C16orf87: variants seen among roughly 807,000 people sequenced by gnomAD.
C16orf87 encodes HDAC and MIER1 interacting protein 1, also known as UPF0547 protein C16orf87.
Under a neutral mutation model 21.0 loss-of-function variants are expected in C16orf87, and 13 were observed. The observed-to-expected ratio is 0.62, with a 90% CI of 0.40 to 0.98. C16orf87 has a LOEUF of 0.98. Among genes scored for constraint, C16orf87 ranks in the 50% least tolerant of loss-of-function variants. C16orf87 has a pLI of 0.00. For missense variants in C16orf87, 113 were observed against 180.4 expected, an observed-to-expected ratio of 0.63 and a Z score of 2.14; for synonymous variants, 49 against 60.2, an observed-to-expected ratio of 0.81 and a Z score of 0.86.
chr16:46,800,436 A>G lies in C16orf87; in HGVS notation c.*2516T>C, dbSNP rs926299170. 2 of 152,214 alleles carry G rather than the reference A, an allele frequency of 1.3e-5. No homozygotes were observed. Among genetic ancestry groups the G allele is most frequent in the African/African-American group, 4.8e-5 (2 of 41,450 alleles). 9.4% of individuals were successfully genotyped at this position (152,214 alleles called of 1,614,324 possible). ...TAAAACTAACAAACAAAATCAAACTACAAGTATTAAAGTGCCCACAAAAAC... is the reference window on the plus strand; with the variant it reads ...TAAAACTAACAAACAAAATCAAACTGCAAGTATTAAAGTGCCCACAAAAAC... On this transcript the variant is annotated 3_prime_UTR_variant, in exon 4 of 4. Coordinates refer to ENST00000285697, the MANE Select transcript of C16orf87 (RefSeq NM_001001436.4).
intron 3 of C16orf87, among the ~76,000 whole-genome samples, chr16:46,805,264 T>C (rs1375284131): frequency 1.3e-5 from 2 of 152,216 alleles, no homozygotes; most frequent in East Asian, 3.8e-4. Flanking sequence ...GACCTCATAC[T>C]GGTCCTCTAA....
At chr16:46,825,284 A>G (rs1959569868) in intron 1 of C16orf87, among the ~76,000 whole-genome samples, 1 of 152,222 alleles carries the variant, frequency 6.6e-6, no homozygotes, top group Non-Finnish European at 1.5e-5. Context: ...CAGAGTTTCC[A>G]AGGCAAGAAA....
At chr16:46,812,041 C>T (rs370476369) in intron 2 of C16orf87, among the ~76,000 whole-genome samples, 2 of 152,042 alleles carry the variant, frequency 1.3e-5, no homozygotes, top group Non-Finnish European at 2.9e-5. Context: ...TTCAGGAGTT[C>T]GAGACCAGCC....
At position 46,799,154 on chromosome 16, in the gene C16orf87, T is replaced by A. The variant is rs1967703222; in HGVS notation, c.*3798A>T. On this transcript the variant is annotated 3_prime_UTR_variant, in exon 4 of 4. Coordinates refer to ENST00000285697, the MANE Select transcript of C16orf87 (RefSeq NM_001001436.4). The stretch of plus-strand genomic sequence containing the variant: ...CAGACTCTGTTATATGTCTCATACT[T>A]TTAATCCTGGAGAGTCTGCTTTGTA... 1 of 152,196 alleles carries A rather than the reference T, an allele frequency of 6.6e-6. No homozygotes were observed. Among genetic ancestry groups the A allele is most frequent in the Non-Finnish European group, 1.5e-5 (1 of 68,030 alleles). The allele number at this position is 152,196 out of a possible 1,614,324, so 9.4% of individuals were successfully genotyped here.
Position 46,809,638 on chromosome 16 carries a change from T to A in C16orf87, c.311A>T (p.Lys104Ile). Residue 104 changes from lysine to isoleucine, a missense_variant, in exon 3 of 4, where the codon AAA (lysine) becomes ATA (isoleucine). Lys to Ile is a moderately radical substitution (Grantham distance 102). Coordinates refer to ENST00000285697, the MANE Select transcript of C16orf87 (RefSeq NM_001001436.4). ...CTCATGTTTTTTGGCAGATGCACTTTTAGGTCTTCCTCTTCCTCGTCTGAT... is the reference window on the plus strand; with the variant it reads ...CTCATGTTTTTTGGCAGATGCACTTATAGGTCTTCCTCTTCCTCGTCTGAT... ...DHIRRGRGRPKSASAKKHEEE... is the reference protein window; with the variant it reads ...DHIRRGRGRPISASAKKHEEE... The A allele has an allele frequency of 1.2e-6, 2 of 1,612,798 alleles. No individual in the cohort carries two copies. The highest frequency in any genetic ancestry group is 1.7e-6 in the Non-Finnish European group (2 of 1,179,518).
chr16:46,814,678 C>T (rs946110014), intron 2 of C16orf87, among the ~76,000 whole-genome samples: 2 of 152,158 alleles, frequency 1.3e-5, no homozygotes, highest in African/African-American at 4.8e-5. Context: ...ATTTGTATCA[C>T]ACCAACAGTC....
intron 1 of C16orf87, among the ~76,000 whole-genome samples, chr16:46,830,258 G>C (rs1370459637): frequency 1.3e-3 from 169 of 134,292 alleles, no homozygotes; most frequent in African/African-American, 4.2e-3. Context: ...GAGAGATAGA[G>C]AGAGACAGAC....
chr16:46,811,081 T>G lies in C16orf87; in HGVS notation c.164-1296A>C, dbSNP rs529870530. The stretch of plus-strand genomic sequence containing the variant: ...ACTCACGGGGTAACCAAAGGGCAAA[T>G]GAAGAGGTTTCTCATATTAAAGCTA... On this transcript the variant is annotated intron_variant, in intron 2 of 3. Coordinates refer to ENST00000285697, the MANE Select transcript of C16orf87 (RefSeq NM_001001436.4). 2.6e-5 allele frequency among the ~76,000 whole-genome samples: 4 copies of G among 152,224 alleles called. No homozygotes were observed. In the South Asian group the frequency reaches 8.3e-4, roughly 32 times the overall value.
At chr16:46,820,627 T>A (rs532205577) in intron 2 of C16orf87, among the ~76,000 whole-genome samples, 1 of 152,242 alleles carries the variant, frequency 6.6e-6, no homozygotes, top group African/African-American at 2.4e-5. Context: ...ACTAACAACC[T>A]TCTGCTATTA....
At chr16:46,805,854 T>C (rs34822505) in intron 3 of C16orf87, among the ~76,000 whole-genome samples, 1 of 152,230 alleles carries the variant, frequency 6.6e-6, no homozygotes, top group Non-Finnish European at 1.5e-5. Flanking sequence ...CAAACTTTTT[T>C]ACTTTTTTTA....
intron 3 of C16orf87, chr16:46,808,166 A>G: frequency 2.2e-6 from 1 of 451,716 alleles, no homozygotes; most frequent in Non-Finnish European, 4.4e-6. Flanking sequence ...AATTTAACAA[A>G]TAACTCAAAC....
chr16:46,797,125 G>A lies in C16orf87; in HGVS notation c.*5827C>T, dbSNP rs185149145. ...AGGCAAAATAAAGACATTCTCAGAT[G>A]AAGAAAAAATAAGAGAATTAAATGT... On this transcript the variant is annotated 3_prime_UTR_variant, in exon 4 of 4. Transcript: ENST00000285697. 92 of 152,160 alleles carry A rather than the reference G, an allele frequency of 6.0e-4. No individual in the cohort carries two copies. Among genetic ancestry groups the A allele is most frequent in the African/African-American group, 1.9e-3 (79 of 41,522 alleles). The allele number at this position is 152,160 out of a possible 1,614,324, so 9.4% of individuals were successfully genotyped here.
intron 2 of C16orf87, among the ~76,000 whole-genome samples, chr16:46,823,782 A>G (rs921054356): frequency 3.9e-5 from 6 of 152,252 alleles, no homozygotes; most frequent in African/African-American, 1.4e-4. Context: ...ATGAACTCTT[A>G]TTGGTACATA....
chr16:46,809,799 TA>T lies in C16orf87; in HGVS notation c.164-15del. On this transcript the variant is annotated splice_polypyrimidine_tract_variant and intron_variant, in intron 2 of 3. Transcript: ENST00000285697. Reference sequence around the variant, plus strand: ...CATGCTTGTTTTCTGTATGGATGAATAAAAGTGATATATTTTAGGGCTTAGC... The same window carrying T: ...CATGCTTGTTTTCTGTATGGATGAATAAAGTGATATATTTTAGGGCTTAGC... 6.4e-7 allele frequency: 1 copy of T among 1,559,648 alleles called. No homozygotes were observed. Among genetic ancestry groups the T allele is most frequent in the South Asian group, 1.1e-5 (1 of 87,594 alleles).
rs551835558 is a variant in C16orf87 at position 46,801,911 on chromosome 16, T to C, written c.*1041A>G. ...GAATATGTTAATCATTAAATTGATA[T>C]GCCAAAATGCAAAAGCATTTAATAT... On this transcript the variant is annotated 3_prime_UTR_variant, in exon 4 of 4. Transcript: ENST00000285697. The C allele has an allele frequency of 1.3e-5, 2 of 152,280 alleles. No homozygotes were observed. Among genetic ancestry groups the C allele is most frequent in the Admixed American group, 1.3e-4 (2 of 15,296 alleles). The allele number at this position is 152,280 out of a possible 1,614,324, so 9.4% of individuals were successfully genotyped here.
intron 1 of C16orf87, among the ~76,000 whole-genome samples, chr16:46,829,928 T>TA (rs527744708): frequency 0.041 from 3,471 of 84,258 alleles, 58 homozygotes; most frequent in Non-Finnish European, 0.05. Flanking sequence ...ACTCTTGATT[T>TA]AAAAAAAAAA....
At chr16:46,830,272 G>GACAGAC (rs1959793469) in intron 1 of C16orf87, among the ~76,000 whole-genome samples, 1 of 108,238 alleles carries the variant, frequency 9.2e-6, no homozygotes, top group African/African-American at 3.4e-5. Context: ...GACAGACAGA[G>GACAGAC]AGAGAGAGAG....
chr16:46,809,765 T>A lies in C16orf87; in HGVS notation c.184A>T (p.Arg62Trp). The A allele has an allele frequency of 6.2e-7, 1 of 1,607,752 alleles. No homozygotes were observed. Among genetic ancestry groups the A allele is most frequent in the Non-Finnish European group, 8.5e-7 (1 of 1,175,562 alleles). The change falls in exon 3 of 4, where the codon AGG (arginine) becomes TGG (tryptophan). Residue 62 changes from arginine to tryptophan, a missense_variant. Coordinates refer to ENST00000285697, the MANE Select transcript of C16orf87 (RefSeq NM_001001436.4). ...CTCCTAACTCTCTCTGTTCGCCTCCTCTTGGCCTCATGCTTGTTTTCTGTA... is the reference window on the plus strand; with the variant it reads ...CTCCTAACTCTCTCTGTTCGCCTCCACTTGGCCTCATGCTTGTTTTCTGTA... ...PSTENKHEAK[R>W]RRTERVRREK... is the part of the protein sequence containing the mutation.
Position 46,831,071 on chromosome 16 carries a change from C to G in C16orf87, c.66+13G>C, listed in dbSNP as rs1271611532. 43 of 1,563,764 alleles carry G rather than the reference C, an allele frequency of 2.7e-5. No individual in the cohort carries two copies. Among genetic ancestry groups the G allele is most frequent in the Non-Finnish European group, 3.6e-5 (42 of 1,152,808 alleles). ...ACTGCCGCCCGCCCGCGCGCCCGGC[C>G]CCCGGCACCCACCTGTTGGTCGCAC... On this transcript the variant is annotated intron_variant, in intron 1 of 3. Transcript: ENST00000285697.
Sources: allele counts gnomAD v4.1 joint callset (sites outside exome capture counted in the v4.1 genomes callset), GRCh38; gene constraint gnomAD v4.1.1; transcripts MANE v1.5; gene names NCBI Gene and HGNC (gene_info 2026-07-23, HGNC 2026-07-21).